Variants in CTNNA3 observed in about 807,000 individuals in gnomAD.
CTNNA3 encodes the protein catenin alpha-3.
In CTNNA3, 76 loss-of-function variants were observed where a neutral mutation model predicts 95.7. The observed-to-expected ratio is 0.79, with a 90% CI of 0.66 to 0.96. The LOEUF (loss-of-function observed/expected upper bound fraction) is 0.96, where lower values mean the gene tolerates loss of function less well. CTNNA3 is among the 40% of genes least tolerant of loss of function. The pLI, the probability that CTNNA3 is intolerant of heterozygous loss-of-function variation, is 0.00. For missense variants in CTNNA3, 1,191 were observed against 1,089.8 expected (o/e 1.09, Z -1.31); for synonymous variants, 431 against 374.4 (o/e 1.15, Z -1.74).
At chr10:66,439,215 C>A (rs1381055930) in intron 11 of CTNNA3, among the ~76,000 whole-genome samples, 3 of 151,964 alleles carry the variant, frequency 2.0e-5, no homozygotes, top group Non-Finnish European at 4.4e-5. Flanking sequence ...AGATAAAATA[C>A]TTATAAAGAA....
intron 7 of CTNNA3, among the ~76,000 whole-genome samples, chr10:67,107,170 T>C (rs1858680267): frequency 6.6e-6 from 1 of 152,222 alleles, no homozygotes; most frequent in African/African-American, 2.4e-5. Context: ...ATTATTCCAA[T>C]AGGATTTGTT....
At chr10:66,502,047 T>A (rs561735453) in intron 11 of CTNNA3, among the ~76,000 whole-genome samples, 2 of 152,006 alleles carry the variant, frequency 1.3e-5, no homozygotes, top group South Asian at 4.1e-4. Context: ...AGTATTTTTT[T>A]AATCTAGCTA....
chr10:67,177,060 C>A (rs994421157), intron 7 of CTNNA3: 25 of 444,764 alleles, frequency 5.6e-5, no homozygotes, highest in Non-Finnish European at 9.4e-5. Context: ...GAAAACTAAC[C>A]AAACATATAT....
At chr10:66,877,341 A>G (rs1261934655) in intron 7 of CTNNA3, among the ~76,000 whole-genome samples, 1 of 152,172 alleles carries the variant, frequency 6.6e-6, no homozygotes, top group Non-Finnish European at 1.5e-5. Context: ...AGACCTAGGA[A>G]GCATCTCTTG....
At chr10:66,871,562 C>CAA (rs34018938) in intron 7 of CTNNA3, among the ~76,000 whole-genome samples, 12 of 96,428 alleles carry the variant, frequency 1.2e-4, no homozygotes, top group Non-Finnish European at 1.4e-4. Flanking sequence ...AACTCTGTCT[C>CAA]AAAAAAAAAA....
chr10:67,036,154 T>A (rs1352980732), intron 7 of CTNNA3, among the ~76,000 whole-genome samples: 1 of 152,110 alleles, frequency 6.6e-6, no homozygotes, highest in Admixed American at 6.6e-5. Context: ...TTATTTTATT[T>A]TATTTTATCT....
chr10:66,309,415 G>A (rs1211237241), intron 12 of CTNNA3, among the ~76,000 whole-genome samples: 7 of 151,886 alleles, frequency 4.6e-5, no homozygotes, highest in Admixed American at 6.6e-5. Context: ...ATTCCGGGCC[G>A]GGTGCAGTGG....
intron 13 of CTNNA3, among the ~76,000 whole-genome samples, chr10:66,258,179 C>G (rs1421152653): frequency 1.3e-5 from 2 of 152,146 alleles, no homozygotes. Flanking sequence ...AATCTGTAGT[C>G]CTAACAAGGC....
intron 3 of CTNNA3, among the ~76,000 whole-genome samples, chr10:67,596,111 A>G (rs534751292): frequency 1.1e-4 from 16 of 152,304 alleles, no homozygotes; most frequent in African/African-American, 3.8e-4. Context: ...TAAGTGGGGC[A>G]TTTAACCCAT....
At chr10:66,632,166 T>G (rs1845160181) in intron 9 of CTNNA3, among the ~76,000 whole-genome samples, 1 of 152,110 alleles carries the variant, frequency 6.6e-6, no homozygotes, top group African/African-American at 2.4e-5. Flanking sequence ...CTCATAAAAT[T>G]TGTCTATTAA....
chr10:66,328,017 A>G (rs1258326946), intron 12 of CTNNA3, among the ~76,000 whole-genome samples: 1 of 152,078 alleles, frequency 6.6e-6, no homozygotes, highest in Non-Finnish European at 1.5e-5. Flanking sequence ...TGGGAATCTA[A>G]CATCACCATT....
intron 12 of CTNNA3, among the ~76,000 whole-genome samples, chr10:66,315,578 A>G (rs1166903127): frequency 2.0e-5 from 3 of 151,920 alleles, no homozygotes; most frequent in African/African-American, 7.2e-5. Flanking sequence ...GGTTTTGTTT[A>G]TATACACTTG....
At chr10:66,072,214 T>G (rs2080452701) in intron 14 of CTNNA3, among the ~76,000 whole-genome samples, 1 of 152,198 alleles carries the variant, frequency 6.6e-6, no homozygotes, top group Admixed American at 6.5e-5. Context: ...TTACATCTAT[T>G]CTGAATTTTT....
intron 11 of CTNNA3, among the ~76,000 whole-genome samples, chr10:66,402,694 A>G (rs1217549607): frequency 6.6e-6 from 1 of 152,154 alleles, no homozygotes; most frequent in Non-Finnish European, 1.5e-5. Context: ...AAAATAAGGA[A>G]CTTGTTAAAC....
chr10:66,865,656 G>T (rs896557431), intron 7 of CTNNA3, among the ~76,000 whole-genome samples: 3 of 151,880 alleles, frequency 2.0e-5, no homozygotes, highest in African/African-American at 7.3e-5. Context: ...AAAAATCACA[G>T]AAGATGTATT....
intron 14 of CTNNA3, among the ~76,000 whole-genome samples, chr10:66,080,710 C>T (rs1345509582): frequency 6.6e-6 from 1 of 152,122 alleles, no homozygotes. Flanking sequence ...GAACTCAACT[C>T]TGCTGAAGCG....
chr10:67,167,770 C>A (rs1861840833), intron 7 of CTNNA3, among the ~76,000 whole-genome samples: 1 of 152,122 alleles, frequency 6.6e-6, no homozygotes, highest in African/African-American at 2.4e-5. Context: ...CTCTAGATAT[C>A]CCTGACCTAA....
intron 14 of CTNNA3, among the ~76,000 whole-genome samples, chr10:66,100,031 G>A (rs59451630): frequency 6.6e-6 from 1 of 152,102 alleles, no homozygotes; most frequent in Admixed American, 6.5e-5. Context: ...TATATATGGA[G>A]TAATTTTCTT....
At chr10:67,267,225 A>C (rs905218708) in intron 5 of CTNNA3, among the ~76,000 whole-genome samples, 3 of 152,246 alleles carry the variant, frequency 2.0e-5, no homozygotes, top group Non-Finnish European at 4.4e-5. Context: ...TATGTGATTC[A>C]GAGTAAAAAA....
Sources: gnomAD v4.1 joint callset for allele counts (sites outside exome capture counted in the v4.1 genomes callset) on GRCh38, gnomAD v4.1.1 for gene constraint, MANE v1.5 for transcripts, NCBI Gene and HGNC (gene_info 2026-07-23, HGNC 2026-07-21) for gene names.